Variants in RFTN1 observed in about 807,000 individuals in gnomAD.
RFTN1 encodes raftlin.
RFTN1 carries 26 observed loss-of-function variants against 46.5 expected under a neutral mutation model. The ratio of observed to expected loss-of-function variants is 0.56; its 90% CI spans 0.41 to 0.78. The LOEUF is 0.78. Ranked by LOEUF, RFTN1 falls within the 30% of genes least tolerant of loss-of-function variation. The pLI is 0.00. For synonymous variants in RFTN1, 261 were observed against 284.2 expected (o/e 0.92, Z 0.82); for missense variants, 693 against 718.7 (o/e 0.96, Z 0.41).
Position 16,384,660 on chromosome 3 carries a change from A to T in RFTN1, c.442-6558T>A, listed in dbSNP as rs959866853. The stretch of plus-strand genomic sequence containing the variant: ...TGAAATGCCTGTAACTAATGAGCTA[A>T]TTAATGCTGGGAATCAGAAACCTAC... On this transcript the variant is annotated intron_variant, in intron 4 of 9. Coordinates refer to ENST00000334133, the MANE Select transcript of RFTN1 (RefSeq NM_015150.2). This position sits in a 1 kb window ranked among gnomAD's most constrained non-coding sequence, Gnocchi z 4.7. Among the ~76,000 whole-genome samples the T allele has an allele frequency of 2.6e-5, 4 of 152,252 alleles. No homozygotes were observed. Among genetic ancestry groups the T allele is most frequent in the African/African-American group, 9.6e-5 (4 of 41,456 alleles).
At position 16,450,065 on chromosome 3, in the gene RFTN1, C is replaced by T. The variant is rs2075798207; in HGVS notation, c.146-16028G>A. ...AAGGCAGAAGACATGTCACCCCCAT[C>T]CTGACCACTCTCCATGCCTGTCTTA... is the stretch of plus-strand genomic sequence containing the variant. On this transcript the variant is annotated intron_variant, in intron 2 of 9. Transcript: ENST00000334133. The surrounding 1 kb of genome is among the most constrained non-coding windows in gnomAD (Gnocchi z 4.6). Among the ~76,000 whole-genome samples the T allele has an allele frequency of 6.6e-6, 1 of 152,184 alleles. No homozygotes were observed. The highest frequency in any genetic ancestry group is 6.5e-5 in the Admixed American group (1 of 15,272).
At position 16,451,553 on chromosome 3, in the gene RFTN1, C is replaced by T. The variant is rs2075823505; in HGVS notation, c.146-17516G>A. Among the ~76,000 whole-genome samples the T allele has an allele frequency of 2.0e-5, 3 of 152,196 alleles. No homozygotes were observed. Among genetic ancestry groups the T allele is most frequent in the African/African-American group, 7.2e-5 (3 of 41,448 alleles). ...AAATAGAGTGGTCCCCTCTTCTCCA[C>T]AGGGGATATGCCTGAAACCACAGAT... On this transcript the variant is annotated intron_variant, in intron 2 of 9. Transcript: ENST00000334133. This position sits in a 1 kb window ranked among gnomAD's most constrained non-coding sequence, Gnocchi z 4.2.
At chr3:16,461,790 C>G (rs1252122316) in intron 2 of RFTN1, among the ~76,000 whole-genome samples, 2 of 152,178 alleles carry the variant, frequency 1.3e-5, no homozygotes, top group African/African-American at 4.8e-5. Context: ...TTTTTCCTTC[C>G]AGTACACACA....
chr3:16,358,071 G>C (rs754874296), intron 6 of RFTN1, 24 bp from the exon 7 acceptor site: 1 of 1,307,024 alleles, frequency 7.7e-7, no homozygotes, highest in Non-Finnish European at 1.1e-6. Flanking sequence ...AAAAGGCGGG[G>C]GTGGGGGGGG....
In RFTN1 at chr3:16,316,962, C is replaced by T; in HGVS notation, c.1603G>A (p.Ala535Thr). 5 of 1,614,044 alleles carry T rather than the reference C, an allele frequency of 3.1e-6. No individual in the cohort carries two copies. The highest frequency in any genetic ancestry group is 4.2e-6 in the Non-Finnish European group (5 of 1,180,008). Residue 535 changes from alanine to threonine, a missense_variant, in exon 10 of 10, where the codon GCT (alanine) becomes ACT (threonine). Ala to Thr is a moderately conservative substitution (Grantham distance 58). Transcript: ENST00000334133. The surrounding 1 kb of genome is among the most constrained non-coding windows in gnomAD (Gnocchi z 4.5). ...LLCGVGVEGE[A>T]VQNGPASHSR... ...TGGCTGGCAGGACCATTCTGCACAGCCTCACCCTCCACACCCACCCCACAC... is the reference window on the plus strand; with the variant it reads ...TGGCTGGCAGGACCATTCTGCACAGTCTCACCCTCCACACCCACCCCACAC...
intron 2 of RFTN1, among the ~76,000 whole-genome samples, chr3:16,441,736 C>G (rs111807925): frequency 6.6e-6 from 1 of 152,206 alleles, no homozygotes; most frequent in Non-Finnish European, 1.5e-5. Context: ...TCTGTCAATA[C>G]GAAGGAGTGC....
rs1039567332 is a variant in RFTN1 at position 16,466,491 on chromosome 3, G to A, written c.145+27234C>T. Among the ~76,000 whole-genome samples the A allele has an allele frequency of 1.3e-5, 2 of 152,174 alleles. No homozygotes were observed. Among genetic ancestry groups the A allele is most frequent in the African/African-American group, 4.8e-5 (2 of 41,424 alleles). On this transcript the variant is annotated intron_variant, in intron 2 of 9. Transcript: ENST00000334133. This position sits in a 1 kb window ranked among gnomAD's most constrained non-coding sequence, Gnocchi z 5.6. ...TTCATGAAGCTCAGAAAAAGATGCA[G>A]AGGATTCCTTCTGTTCTTTGATGAA...
intron 4 of RFTN1, among the ~76,000 whole-genome samples, chr3:16,388,577 A>G (rs955632415): frequency 1.3e-5 from 2 of 152,230 alleles, no homozygotes; most frequent in African/African-American, 4.8e-5. Flanking sequence ...AGGGGGTTGC[A>G]GGTCCAGAGA....
chr3:16,487,852 C>T (rs986301157), intron 2 of RFTN1, among the ~76,000 whole-genome samples: 12 of 152,166 alleles, frequency 7.9e-5, no homozygotes, highest in Admixed American at 6.5e-4. Flanking sequence ...GCTTTATGGG[C>T]CTCCATCTGC....
chr3:16,366,817 G>T (rs1193453272), intron 6 of RFTN1, among the ~76,000 whole-genome samples: 1 of 152,180 alleles, frequency 6.6e-6, no homozygotes, highest in Non-Finnish European at 1.5e-5. Context: ...AGGTGTCCAT[G>T]GTCATCACTA....
chr3:16,486,687 C>T (rs1305656667), intron 2 of RFTN1, among the ~76,000 whole-genome samples: 2 of 152,244 alleles, frequency 1.3e-5, no homozygotes, highest in African/African-American at 4.8e-5. Context: ...CTACCACCAT[C>T]CCATCAGTCT....
chr3:16,334,074 A>T lies in RFTN1; in HGVS notation c.1147-7198T>A, dbSNP rs1265192621. 6.6e-6 allele frequency among the ~76,000 whole-genome samples: 1 copy of T among 152,216 alleles called. No homozygotes were observed. The highest frequency in any genetic ancestry group is 6.5e-5 in the Admixed American group (1 of 15,286). Reference sequence around the variant, plus strand: ...CAGCTACTTGGGAGGCTGAGGCAGGAGAATGGCTTGAACCTAGGAGGCAGA... The same window carrying T: ...CAGCTACTTGGGAGGCTGAGGCAGGTGAATGGCTTGAACCTAGGAGGCAGA... On this transcript the variant is annotated intron_variant, in intron 7 of 9. Coordinates refer to ENST00000334133, the MANE Select transcript of RFTN1 (RefSeq NM_015150.2). The surrounding 1 kb of genome is among the most constrained non-coding windows in gnomAD (Gnocchi z 4.3).
chr3:16,347,759 T>C (rs1253127684), intron 7 of RFTN1: 2 of 152,198 alleles, frequency 1.3e-5, no homozygotes, highest in African/African-American at 2.4e-5. Context: ...GTAAGCATTT[T>C]GTTTAAAATT....
chr3:16,343,239 T>G (rs902393730), intron 7 of RFTN1, among the ~76,000 whole-genome samples: 3 of 152,130 alleles, frequency 2.0e-5, no homozygotes, highest in African/African-American at 7.2e-5. Context: ...CACTCCTAAT[T>G]AGTGGTAATG....
chr3:16,355,903 C>T (rs950454259), intron 7 of RFTN1, among the ~76,000 whole-genome samples: 1 of 152,242 alleles, frequency 6.6e-6, no homozygotes, highest in Non-Finnish European at 1.5e-5. Context: ...CCTCCCTTAA[C>T]AGCCATTTTA....
rs996682155 is a variant in RFTN1 at position 16,346,686 on chromosome 3, G to T, written c.1146+11246C>A. Among the ~76,000 whole-genome samples, 5 of 152,198 alleles carry T rather than the reference G, an allele frequency of 3.3e-5. No individual in the cohort carries two copies. The highest frequency in any genetic ancestry group is 7.3e-5 in the Non-Finnish European group (5 of 68,030). The stretch of plus-strand genomic sequence containing the variant: ...AATGAGACCTGAGGAAATCTCTGTT[G>T]TGGGTTTCTGGGAAAGCTTTTACTT... On this transcript the variant is annotated intron_variant, in intron 7 of 9. Transcript: ENST00000334133. This position sits in a 1 kb window ranked among gnomAD's most constrained non-coding sequence, Gnocchi z 4.4.
rs75120459 is a variant in RFTN1 at position 16,413,121 on chromosome 3, A to G, written c.333-3638T>C. ...AAAACTAATACCAAAAAAAGAAAAC[A>G]GAAAACTAACACAGTTCCTGAGGAG... On this transcript the variant is annotated intron_variant, in intron 3 of 9. Coordinates refer to ENST00000334133, the MANE Select transcript of RFTN1 (RefSeq NM_015150.2). This position sits in a 1 kb window ranked among gnomAD's most constrained non-coding sequence, Gnocchi z 4.7. Among the ~76,000 whole-genome samples the G allele has an allele frequency of 7.4e-4, 113 of 152,374 alleles. No individual in the cohort carries two copies. The highest frequency in any genetic ancestry group is 2.7e-3 in the African/African-American group (112 of 41,580).
intron 7 of RFTN1, among the ~76,000 whole-genome samples, chr3:16,343,003 G>A (rs1250365423): frequency 6.6e-6 from 1 of 152,110 alleles, no homozygotes; most frequent in Non-Finnish European, 1.5e-5. Flanking sequence ...ACCATGCCCA[G>A]CTAATTTTTA....
rs557331436 is a variant in RFTN1, at chr3:16,399,009, C to T, written c.441+10366G>A. On this transcript the variant is annotated intron_variant, in intron 4 of 9. Transcript: ENST00000334133. ...GCTGTCCACAGAGCTAACAATAGGC[C>T]ACTTGTCTATTCTGTGCACATTTTT... Among the ~76,000 whole-genome samples, 5 of 152,310 alleles carry T rather than the reference C, an allele frequency of 3.3e-5. No individual in the cohort carries two copies. In the South Asian group the frequency reaches 1.0e-3, roughly 32 times the overall value.
Sources: gnomAD v4.1 joint callset for allele counts (sites outside exome capture counted in the v4.1 genomes callset) on GRCh38, gnomAD v4.1.1 for gene constraint, Gnocchi (gnomAD v3.1) non-coding constraint, MANE v1.5 for transcripts, NCBI Gene and HGNC (gene_info 2026-07-23, HGNC 2026-07-21) for gene names.